The following PPM1L variants were observed in gnomAD, a reference collection of about 807,000 sequenced individuals.
PPM1L encodes the protein protein phosphatase, Mg2+/Mn2+ dependent 1L, also known as protein phosphatase 1L.
A neutral mutation model predicts 31.4 loss-of-function variants in PPM1L; 13 were observed. The observed-to-expected ratio is 0.41, with a 90% CI of 0.27 to 0.66. The LOEUF (loss-of-function observed/expected upper bound fraction) is 0.66, where lower values mean the gene tolerates loss of function less well. PPM1L is among the 30% of genes least tolerant of loss of function. The pLI is 0.29. For missense variants in PPM1L, 326 were observed against 453.7 expected (o/e 0.72, Z 2.56); for synonymous variants, 184 against 175.4 (o/e 1.05, Z -0.39).
At chr3:160,979,154 C>T (rs1302751528) in intron 2 of PPM1L, among the ~76,000 whole-genome samples, 3 of 152,008 alleles carry the variant, frequency 2.0e-5, no homozygotes, top group Non-Finnish European at 4.4e-5. Flanking sequence ...ATTTAAATAC[C>T]TGGGCCCTTC....
chr3:160,995,652 T>C (rs1252283491), intron 2 of PPM1L, among the ~76,000 whole-genome samples: 1 of 152,106 alleles, frequency 6.6e-6, no homozygotes, highest in Non-Finnish European at 1.5e-5. Flanking sequence ...ATGGAAGAGA[T>C]GATGGCATAT....
At chr3:160,921,402 CT>C (rs1426662212) in intron 1 of PPM1L, among the ~76,000 whole-genome samples, 5 of 152,150 alleles carry the variant, frequency 3.3e-5, no homozygotes, top group African/African-American at 1.2e-4. Context: ...CTGACATTTA[CT>C]TTTTAAAAAC....
chr3:160,948,014 A>G (rs1351738279), intron 1 of PPM1L, among the ~76,000 whole-genome samples: 1 of 152,174 alleles, frequency 6.6e-6, no homozygotes, highest in Non-Finnish European at 1.5e-5. Flanking sequence ...CTATTACTTT[A>G]TAGAAGCAGT....
At chr3:161,041,848 A>C (rs1718919799) in intron 2 of PPM1L, among the ~76,000 whole-genome samples, 1 of 152,362 alleles carries the variant, frequency 6.6e-6, no homozygotes, top group African/African-American at 2.4e-5. Context: ...AAAAGCTTTG[A>C]CATTTCTTAA....
intron 2 of PPM1L, among the ~76,000 whole-genome samples, chr3:161,049,414 T>C (rs902586402): frequency 2.0e-5 from 3 of 152,232 alleles, no homozygotes; most frequent in African/African-American, 7.2e-5. Context: ...GGATTTGGGA[T>C]GCCCAACCTG....
At chr3:160,765,068 G>A (rs1427353609) in intron 1 of PPM1L, among the ~76,000 whole-genome samples, 1 of 152,156 alleles carries the variant, frequency 6.6e-6, no homozygotes, top group African/African-American at 2.4e-5. Flanking sequence ...TGTATAATAT[G>A]CCAGGCAGTA....
intron 1 of PPM1L, among the ~76,000 whole-genome samples, chr3:160,793,785 A>G (rs1029981002): frequency 6.6e-6 from 1 of 152,164 alleles, no homozygotes; most frequent in African/African-American, 2.4e-5. Context: ...CCAGAGAACA[A>G]TGGCAGGGTT....
At chr3:161,049,342 C>T (rs1333959097) in intron 2 of PPM1L, among the ~76,000 whole-genome samples, 1 of 152,082 alleles carries the variant, frequency 6.6e-6, no homozygotes, top group Middle Eastern at 3.2e-3. Context: ...AAGAAACTTT[C>T]TGAGTACCAA....
intron 2 of PPM1L, among the ~76,000 whole-genome samples, chr3:161,057,464 C>A (rs1228502812): frequency 6.6e-6 from 1 of 151,994 alleles, no homozygotes; most frequent in Non-Finnish European, 1.5e-5. Context: ...TCATTGTCAA[C>A]TTTATTGTTA....
intron 1 of PPM1L, among the ~76,000 whole-genome samples, chr3:160,903,083 A>G (rs1315646631): frequency 3.9e-5 from 6 of 152,170 alleles, no homozygotes; most frequent in African/African-American, 1.4e-4. Context: ...TTGTAGAGAC[A>G]GTGATACGAA....
At chr3:160,821,057 G>A (rs548778562) in intron 1 of PPM1L, among the ~76,000 whole-genome samples, 3 of 152,130 alleles carry the variant, frequency 2.0e-5, no homozygotes, top group Non-Finnish European at 4.4e-5. Context: ...TGGGAAGACA[G>A]CCTGTATTTT....
chr3:160,814,806 G>A (rs1442825499), intron 1 of PPM1L, among the ~76,000 whole-genome samples: 2 of 151,456 alleles, frequency 1.3e-5, no homozygotes, highest in Non-Finnish European at 2.9e-5. Context: ...CACATACCAT[G>A]GAATACTACT....
At chr3:160,975,349 G>A (rs1384939799) in intron 2 of PPM1L, among the ~76,000 whole-genome samples, 7 of 151,870 alleles carry the variant, frequency 4.6e-5, no homozygotes, top group African/African-American at 1.2e-4. Context: ...TTGACTTGGC[G>A]ATGCGGGCTC....
In PPM1L at chr3:160,961,915, G is replaced by A. The variant is rs1559904884; in HGVS notation, c.574+5G>A. On this transcript the variant is annotated splice_donor_5th_base_variant and intron_variant, in intron 2 of 3. Transcript: ENST00000498165. Reference sequence around the variant, plus strand: ...CTGTATCCTATGATGAAGCAGGTATGTTTGTTTTTAAAACACACATTTTTT... The same window carrying A: ...CTGTATCCTATGATGAAGCAGGTATATTTGTTTTTAAAACACACATTTTTT... 1 of 1,539,768 alleles carries A rather than the reference G, an allele frequency of 6.5e-7. No homozygotes were observed. The highest frequency in any genetic ancestry group is 2.3e-5 in the Admixed American group (1 of 43,530).
intron 2 of PPM1L, among the ~76,000 whole-genome samples, chr3:160,972,532 T>C (rs1339566905): frequency 6.6e-6 from 1 of 152,162 alleles, no homozygotes; most frequent in South Asian, 2.1e-4. Flanking sequence ...CATGAACTCA[T>C]CATTTTTTAT....
At chr3:160,891,689 C>G (rs1713150209) in intron 1 of PPM1L, among the ~76,000 whole-genome samples, 1 of 152,198 alleles carries the variant, frequency 6.6e-6, no homozygotes, top group Admixed American at 6.5e-5. Context: ...TATAAAGACA[C>G]ATGCACACGT....
rs185655952 is a variant in PPM1L at position 160,887,829 on chromosome 3, C to T, written c.400-73907C>T. Among the ~76,000 whole-genome samples, 376 of 152,026 alleles carry T rather than the reference C, an allele frequency of 2.5e-3. 3 individuals are homozygous for T. The highest frequency in any genetic ancestry group is 1.4e-3 in the African/African-American group (60 of 41,454). On this transcript the variant is annotated intron_variant, in intron 1 of 3. Transcript: ENST00000498165. Reference sequence around the variant, plus strand: ...CGATTTCCTGACCTCATGATCTGCCCGCCTCCTAAAGTGCTGGGATTATAG... The same window carrying T: ...CGATTTCCTGACCTCATGATCTGCCTGCCTCCTAAAGTGCTGGGATTATAG...
chr3:160,852,231 C>T (rs1711548468), intron 1 of PPM1L, among the ~76,000 whole-genome samples: 1 of 152,160 alleles, frequency 6.6e-6, no homozygotes, highest in African/African-American at 2.4e-5. Flanking sequence ...GAAGCTGGGG[C>T]AGCTGAGCAC....
At chr3:160,768,145 A>G (rs1035462964) in intron 1 of PPM1L, among the ~76,000 whole-genome samples, 2 of 152,214 alleles carry the variant, frequency 1.3e-5, no homozygotes, top group Non-Finnish European at 2.9e-5. Context: ...TTATTTGAGC[A>G]CTTAGATGTT....
Sources: gnomAD v4.1 joint callset for allele counts (sites outside exome capture counted in the v4.1 genomes callset) on GRCh38, gnomAD v4.1.1 for gene constraint, MANE v1.5 for transcripts, NCBI Gene and HGNC (gene_info 2026-07-23, HGNC 2026-07-21) for gene names.